The following NSUN7 variants were observed in gnomAD, a reference collection of about 807,000 sequenced individuals.
NSUN7 encodes the protein protein NSUN7.
In NSUN7, 39 loss-of-function variants were observed where a neutral mutation model predicts 58.5. The observed-to-expected ratio is 0.67, with a 90% CI of 0.52 to 0.87. NSUN7 has a LOEUF of 0.87. Among genes scored for constraint, NSUN7 ranks in the 40% least tolerant of loss-of-function variants. The pLI, the probability that NSUN7 is intolerant of heterozygous loss-of-function variation, is 0.00. For missense variants in NSUN7, 765 were observed against 844.1 expected (o/e 0.91, Z 1.16); for synonymous variants, 278 against 303.7 (o/e 0.92, Z 0.88).
At chr4:40,779,397 A>T (rs552294787) in intron 7 of NSUN7, among the ~76,000 whole-genome samples, 1 of 152,254 alleles carries the variant, frequency 6.6e-6, no homozygotes, top group South Asian at 2.1e-4. Flanking sequence ...AGGTCAGGAG[A>T]TCGAGACCAT....
intron 8 of NSUN7, among the ~76,000 whole-genome samples, chr4:40,792,630 A>G (rs950323399): frequency 6.6e-6 from 1 of 152,182 alleles, no homozygotes; most frequent in Non-Finnish European, 1.5e-5. Context: ...GGGCGCCTGT[A>G]GTCCCAGCTA....
intron 7 of NSUN7, among the ~76,000 whole-genome samples, chr4:40,788,694 C>T (rs1304782558): frequency 6.6e-6 from 1 of 151,984 alleles, no homozygotes; most frequent in Non-Finnish European, 1.5e-5. Flanking sequence ...TGTGTAGAAT[C>T]CTGGCAGTGT....
At chr4:40,797,336 A>T (rs889822319) in intron 9 of NSUN7, among the ~76,000 whole-genome samples, 4 of 152,056 alleles carry the variant, frequency 2.6e-5, no homozygotes, top group Non-Finnish European at 5.9e-5. Context: ...TCCAGTCTAA[A>T]CTTCCTCTTG....
At chr4:40,769,657 G>C (rs1376709276) in intron 4 of NSUN7, among the ~76,000 whole-genome samples, 1 of 152,182 alleles carries the variant, frequency 6.6e-6, no homozygotes, top group Non-Finnish European at 1.5e-5. Flanking sequence ...TTTGGGATAA[G>C]GCACATTTGC....
At chr4:40,791,879 GA>G (rs1278500161) in intron 8 of NSUN7, among the ~76,000 whole-genome samples, 1 of 152,050 alleles carries the variant, frequency 6.6e-6, no homozygotes, top group Non-Finnish European at 1.5e-5. Flanking sequence ...AATTGTAGAG[GA>G]AAAAAACCAA....
intron 8 of NSUN7, among the ~76,000 whole-genome samples, chr4:40,791,011 T>C (rs1177555586): frequency 6.6e-6 from 1 of 152,182 alleles, no homozygotes; most frequent in African/African-American, 2.4e-5. Flanking sequence ...TATGCTATTC[T>C]GAATATACCA....
chr4:40,755,854 C>T (rs1036024258), intron 2 of NSUN7, among the ~76,000 whole-genome samples: 13 of 152,342 alleles, frequency 8.5e-5, no homozygotes, highest in Admixed American at 2.6e-4. Context: ...TTCCTATTTT[C>T]CTTTCCCAGG....
chr4:40,808,058 T>C (rs1251166207), intron 11 of NSUN7, among the ~76,000 whole-genome samples: 1 of 143,032 alleles, frequency 7.0e-6, no homozygotes, highest in East Asian at 2.1e-4. Context: ...AAAAAATCTG[T>C]GTGATTCTTT....
intron 4 of NSUN7, among the ~76,000 whole-genome samples, chr4:40,765,689 G>A (rs1449270308): frequency 1.3e-5 from 2 of 152,132 alleles, no homozygotes; most frequent in Non-Finnish European, 2.9e-5. Context: ...CCATTTTCAC[G>A]ATATTGATTC....
chr4:40,803,152 T>C lies in NSUN7; in HGVS notation c.1401-3909T>C, dbSNP rs796676814. The stretch of plus-strand genomic sequence containing the variant: ...TATGGCTGTATAGTATTCCATGGTG[T>C]ATATGTGCCACATTTTCTTAATCCA... On this transcript the variant is annotated intron_variant, in intron 10 of 11. Coordinates refer to ENST00000381782, the MANE Select transcript of NSUN7 (RefSeq NM_024677.6). Among the ~76,000 whole-genome samples, 7 of 152,160 alleles carry C rather than the reference T, an allele frequency of 4.6e-5. No homozygotes were observed. In the East Asian group the frequency reaches 7.7e-4, roughly 17 times the overall value.
chr4:40,759,831 A>C (rs1304203401), intron 2 of NSUN7, among the ~76,000 whole-genome samples: 2 of 152,178 alleles, frequency 1.3e-5, no homozygotes, highest in Non-Finnish European at 2.9e-5. Flanking sequence ...ACCTAAGGTC[A>C]GGAATTCGAG....
rs571373675 is a variant in NSUN7 at position 40,766,346 on chromosome 4, G to T, written c.488+5045G>T. ...CTGCATCTATTGAGATAATCATGTG[G>T]TTTTTGTCTTTGGTTCTGTTTATAT... On this transcript the variant is annotated intron_variant, in intron 4 of 11. Coordinates refer to ENST00000381782, the MANE Select transcript of NSUN7 (RefSeq NM_024677.6). Among the ~76,000 whole-genome samples, 394 of 151,766 alleles carry T rather than the reference G, an allele frequency of 2.6e-3. 1 individual carries two copies. The highest frequency in any genetic ancestry group is 0.014 in the Middle Eastern group (4 of 294).
intron 10 of NSUN7, among the ~76,000 whole-genome samples, chr4:40,803,107 G>A (rs1157369022): frequency 5.9e-5 from 9 of 151,714 alleles, no homozygotes; most frequent in Non-Finnish European, 8.8e-5. Flanking sequence ...CCCTACAAAG[G>A]ACATGAACTC....
At chr4:40,803,705 C>T (rs77868264) in intron 10 of NSUN7, among the ~76,000 whole-genome samples, 9,946 of 152,252 alleles carry the variant, frequency 0.065, 442 homozygotes, top group Non-Finnish European at 0.096. Context: ...AATACATTCA[C>T]GAAGTTGTAC....
In NSUN7 at chr4:40,810,259, T is replaced by C. The variant is rs1161181043; in HGVS notation, c.*1320T>C. The C allele has an allele frequency of 2.0e-5, 3 of 152,152 alleles. No individual in the cohort carries two copies. The highest frequency in any genetic ancestry group is 7.2e-5 in the African/African-American group (3 of 41,432). 9.4% of individuals were successfully genotyped at this position (152,152 alleles called of 1,614,324 possible). ...TACATTATTTTTATTTTAGCTTAGATTTACATTTATCAGTAAAACGTGTCA... is the reference window on the plus strand; with the variant it reads ...TACATTATTTTTATTTTAGCTTAGACTTACATTTATCAGTAAAACGTGTCA... On this transcript the variant is annotated 3_prime_UTR_variant, in exon 12 of 12. Coordinates refer to ENST00000381782, the MANE Select transcript of NSUN7 (RefSeq NM_024677.6).
chr4:40,797,257 C>T (rs998070824), intron 9 of NSUN7, among the ~76,000 whole-genome samples: 1 of 152,170 alleles, frequency 6.6e-6, no homozygotes, highest in African/African-American at 2.4e-5. Flanking sequence ...TCTGCCTATA[C>T]TTATCCCTTG....
chr4:40,807,147 T>C lies in NSUN7; in HGVS notation c.1487T>C (p.Ile496Thr). 1 of 1,550,390 alleles carries C rather than the reference T, an allele frequency of 6.4e-7. No individual in the cohort carries two copies. Among genetic ancestry groups the C allele is most frequent in the Admixed American group, 2.0e-5 (1 of 50,672 alleles). ...TTTTTCAGAATGGAACCATCTGAAATTACCAATGGTTGTTTTCTTTCTATT... is the reference window on the plus strand; with the variant it reads ...TTTTTCAGAATGGAACCATCTGAAACTACCAATGGTTGTTTTCTTTCTATT... Reference protein sequence around the residue: ...DKFFRMEPSEITNGCFLSILT... With the variant: ...DKFFRMEPSETTNGCFLSILT... Residue 496 changes from isoleucine (I) to threonine (T), a missense_variant, in exon 11 of 12, where the codon ATT becomes ACT. By Grantham distance (89) the Ile-to-Thr change is moderately conservative. Coordinates refer to ENST00000381782, the MANE Select transcript of NSUN7 (RefSeq NM_024677.6).
intron 4 of NSUN7, among the ~76,000 whole-genome samples, chr4:40,766,736 A>G (rs1195024083): frequency 1.3e-5 from 2 of 151,966 alleles, no homozygotes; most frequent in African/African-American, 4.8e-5. Context: ...TTGGTAAGCT[A>G]TTGATTATTG....
chr4:40,789,817 A>C (rs1324234014), intron 7 of NSUN7, among the ~76,000 whole-genome samples: 1 of 152,170 alleles, frequency 6.6e-6, no homozygotes, highest in East Asian at 1.9e-4. Flanking sequence ...TGGTGAGGCA[A>C]GAGAAAGGCA....
Sources: allele counts gnomAD v4.1 joint callset (sites outside exome capture counted in the v4.1 genomes callset), GRCh38; gene constraint gnomAD v4.1.1; transcripts MANE v1.5; gene names NCBI Gene and HGNC (gene_info 2026-07-23, HGNC 2026-07-21).